The following LAMA3 variants were observed in gnomAD, a reference collection of about 807,000 sequenced individuals.
LAMA3 encodes the protein laminin subunit alpha 3, also known as laminin subunit alpha-3.
In LAMA3, 281 loss-of-function variants were observed where a neutral mutation model predicts 402.0. That is an observed-to-expected ratio of 0.70 (90% confidence interval 0.63 to 0.77). The LOEUF is 0.77. Among genes scored for constraint, LAMA3 ranks in the 30% least tolerant of loss-of-function variants. The pLI is 0.00. For missense variants in LAMA3, 3,840 were observed against 4,215.5 expected, an observed-to-expected ratio of 0.91 and a Z score of 2.47; for synonymous variants, 1,431 against 1,558.4, an observed-to-expected ratio of 0.92 and a Z score of 1.93.
intron 12 of LAMA3, among the ~76,000 whole-genome samples, chr18:23,809,971 A>G (rs973812430): frequency 1.3e-5 from 2 of 152,054 alleles, no homozygotes; most frequent in African/African-American, 4.8e-5. Context: ...TCCTCCTACA[A>G]ATACTGGTTT....
At chr18:23,747,726 G>C (rs781576930) in intron 2 of LAMA3, among the ~76,000 whole-genome samples, 4 of 152,136 alleles carry the variant, frequency 2.6e-5, no homozygotes, top group Non-Finnish European at 5.9e-5. Context: ...GTGTATATTT[G>C]GTGGAGAAAG....
Position 23,864,263 on chromosome 18 carries a change from G to T in LAMA3, c.4585-522G>T, listed in dbSNP as rs1318489867. 2.7e-4 allele frequency among the ~76,000 whole-genome samples: 38 copies of T among 139,094 alleles called. 1 individual carries two copies. Among genetic ancestry groups the T allele is most frequent in the Non-Finnish European group, 1.9e-4 (12 of 64,582 alleles). 91.3% of individuals were successfully genotyped at this position (139,094 alleles called of 152,430 possible). A position where few individuals can be genotyped will look rare whatever the true frequency, so the allele number is the denominator to read the frequency against. On this transcript the variant is annotated intron_variant, in intron 35 of 74. Transcript: ENST00000313654. ...TTTAAAAGAGACAGGGTCTTGCCCTGTTGCCCAAGCTGCACTGCAGTGGTA... is the reference window on the plus strand; with the variant it reads ...TTTAAAAGAGACAGGGTCTTGCCCTTTTGCCCAAGCTGCACTGCAGTGGTA...
chr18:23,884,864 C>A lies in LAMA3; in HGVS notation c.5303+11C>A, dbSNP rs200423646. 17 of 1,598,576 alleles carry A rather than the reference C, an allele frequency of 1.1e-5. No homozygotes were observed. In the East Asian group the frequency reaches 3.6e-4, roughly 34 times the overall value. ...AACACAGTGTGAAAGGTAAGGTGGGCGCCCCTCCCGCCTCAGCCTGCAGAG... is the reference window on the plus strand; with the variant it reads ...AACACAGTGTGAAAGGTAAGGTGGGAGCCCCTCCCGCCTCAGCCTGCAGAG... On this transcript the variant is annotated intron_variant, in intron 41 of 74. Transcript: ENST00000313654.
At chr18:23,759,054 TG>T (rs2061913975) in intron 7 of LAMA3, among the ~76,000 whole-genome samples, 1 of 152,012 alleles carries the variant, frequency 6.6e-6, no homozygotes, top group South Asian at 2.1e-4. Context: ...GTTTTTTTTT[TG>T]TTTTTGTTTT....
Position 23,826,778 on chromosome 18 carries a change from A to T in LAMA3, c.2648A>T (p.Tyr883Phe). ...CTGCCAGTCACAGAACCATGTGCCT[A>T]CGCAGGACCTCCCCAAGAAAAGTCA... ...LQLPVTEPCAYAGPPQENCLL... is the reference protein window; with the variant it reads ...LQLPVTEPCAFAGPPQENCLL... Residue 883 changes from tyrosine to phenylalanine, a missense_variant, in exon 22 of 75, where the codon TAC (tyrosine) becomes TTC (phenylalanine). By Grantham distance (22) the Tyr-to-Phe change is conservative (BLOSUM62 3). Coordinates refer to ENST00000313654, the MANE Select transcript of LAMA3 (RefSeq NM_198129.4). 6.4e-7 allele frequency: 1 copy of T among 1,563,798 alleles called. No individual in the cohort carries two copies. The highest frequency in any genetic ancestry group is 8.7e-7 in the Non-Finnish European group (1 of 1,152,348).
rs1296008299 is a variant in LAMA3, at chr18:23,904,056, T to A, written c.6442T>A (p.Ser2148Thr). The change falls in exon 50 of 75, where the codon TCC (serine) becomes ACC (threonine). Residue 2148 changes from serine to threonine, a missense_variant. Coordinates refer to ENST00000313654, the MANE Select transcript of LAMA3 (RefSeq NM_198129.4). The stretch of plus-strand genomic sequence containing the variant: ...GGAGGAGGCAGAAAAGCACGCGCGG[T>A]CCTTACAAGAGCTGGCAAAGCAGCT... ...LVEEAEKHAR[S>T]LQELAKQLEE... 1.2e-6 allele frequency: 2 copies of A among 1,613,404 alleles called. No homozygotes were observed. Among genetic ancestry groups the A allele is most frequent in the Admixed American group, 3.3e-5 (2 of 59,984 alleles).
chr18:23,858,562 CTT>C (rs1164316837), intron 33 of LAMA3, 125 bp from the exon 34 acceptor site: 3 of 863,354 alleles, frequency 3.5e-6, no homozygotes, highest in South Asian at 2.7e-5. Flanking sequence ...ATTAACATCT[CTT>C]TTAATGTTTT....
At chr18:23,730,364 C>CT (rs2061371642) in intron 2 of LAMA3, among the ~76,000 whole-genome samples, 1 of 134,434 alleles carries the variant, frequency 7.4e-6, no homozygotes, top group Non-Finnish European at 1.6e-5. Context: ...TTTTCTTTTT[C>CT]TTTCTTTTTT....
chr18:23,784,680 G>T (rs1025169805), intron 12 of LAMA3, among the ~76,000 whole-genome samples: 4 of 152,290 alleles, frequency 2.6e-5, no homozygotes, highest in Admixed American at 1.3e-4. Context: ...GTCGCTGAAG[G>T]GGGGATGGAA....
chr18:23,693,459 C>G (rs6507857), intron 1 of LAMA3, among the ~76,000 whole-genome samples: 15,347 of 151,388 alleles, frequency 0.1, 1,449 homozygotes, highest in African/African-American at 0.22. Context: ...TTGAATGACT[C>G]CTTTTAGCAT....
intron 2 of LAMA3, among the ~76,000 whole-genome samples, chr18:23,732,763 G>A (rs1049774692): frequency 1.3e-5 from 2 of 152,036 alleles, no homozygotes; most frequent in Non-Finnish European, 2.9e-5. Context: ...CATGCCATGT[G>A]TCTTCTCCAA....
At chr18:23,912,933 G>A (rs45601736) in intron 56 of LAMA3, 52 bp downstream of exon 56, 2 of 1,547,412 alleles carry the variant, frequency 1.3e-6, no homozygotes, top group Admixed American at 1.7e-5. Flanking sequence ...TTTTTCGAGA[G>A]GTGTGCTTTT....
Position 23,817,806 on chromosome 18 carries a change from A to C in LAMA3, c.2147+1319A>C, listed in dbSNP as rs559163633. ...AGATCTGTGAAGAGGGCATGTCTGT[A>C]GGTTTGTTTTCCTGAAGACCATTGA... is the stretch of plus-strand genomic sequence containing the variant. On this transcript the variant is annotated intron_variant, in intron 18 of 74. Coordinates refer to ENST00000313654, the MANE Select transcript of LAMA3 (RefSeq NM_198129.4). 9.9e-5 allele frequency among the ~76,000 whole-genome samples: 15 copies of C among 152,252 alleles called. 1 individual carries two copies. In the South Asian group the frequency reaches 3.1e-3, roughly 32 times the overall value.
intron 2 of LAMA3, among the ~76,000 whole-genome samples, chr18:23,732,015 G>A (rs1385725641): frequency 6.6e-6 from 1 of 152,208 alleles, no homozygotes; most frequent in Non-Finnish European, 1.5e-5. Context: ...AGGAGAAAGG[G>A]CAGCCCTGGC....
chr18:23,903,036 CAG>C lies in LAMA3; in HGVS notation c.6232_6233del (p.Ser2078Ter), dbSNP rs1158945258. On this transcript the variant is annotated frameshift_variant, in exon 49 of 75. Transcript: ENST00000313654. LOFTEE classifies it high-confidence loss of function. Reference protein sequence around the residue: ...QRQVKEINSLQSDFTKYLTTA... With the variant: ...QRQVKEINSLXSDFTKYLTTA... ...ACAAGTGAAAGAAATAAATTCCCTG[CAG>C]AGTGATTTCACCAAGTATCTAACCA... 2.5e-6 allele frequency: 4 copies of C among 1,609,954 alleles called. No individual in the cohort carries two copies. Among genetic ancestry groups the C allele is most frequent in the Non-Finnish European group, 3.4e-6 (4 of 1,176,572 alleles).
At position 23,902,988 on chromosome 18, in the gene LAMA3, ATT is replaced by A. The variant is rs745874853; in HGVS notation, c.6202-13_6202-12del. 3 of 1,422,466 alleles carry A rather than the reference ATT, an allele frequency of 2.1e-6. No homozygotes were observed. The highest frequency in any genetic ancestry group is 1.1e-5 in the South Asian group (1 of 87,002). The allele number at this position is 1,422,466 out of a possible 1,614,324, so 88.1% of individuals were successfully genotyped here. ...GATAATATATCATAGAGCTCAAGCA[ATT>A]TTTTTTTATTTTCTCCAGAGACAAG... On this transcript the variant is annotated intron_variant, in intron 48 of 74. Coordinates refer to ENST00000313654, the MANE Select transcript of LAMA3 (RefSeq NM_198129.4).
At position 23,694,231 on chromosome 18, in the gene LAMA3, G is replaced by A. The variant is rs373541107; in HGVS notation, c.294+4254G>A. 5.3e-5 allele frequency among the ~76,000 whole-genome samples: 8 copies of A among 152,266 alleles called. No individual in the cohort carries two copies. In the East Asian group the frequency reaches 7.7e-4, roughly 15 times the overall value. On this transcript the variant is annotated intron_variant, in intron 1 of 74. Coordinates refer to ENST00000313654, the MANE Select transcript of LAMA3 (RefSeq NM_198129.4). ...ATGAATATTAACTGGAGAATAATACGGGTTTAAAGTGATTATGCACATCTT... is the reference window on the plus strand; with the variant it reads ...ATGAATATTAACTGGAGAATAATACAGGTTTAAAGTGATTATGCACATCTT...
chr18:23,881,481 C>T (rs571328260), intron 39 of LAMA3, among the ~76,000 whole-genome samples: 3 of 152,196 alleles, frequency 2.0e-5, no homozygotes, highest in Non-Finnish European at 4.4e-5. Context: ...AAAGAATTTA[C>T]GTTTCCCAAG....
At chr18:23,873,247 G>A (rs1276390914) in intron 38 of LAMA3, 2 of 1,569,572 alleles carry the variant, frequency 1.3e-6, no homozygotes, top group African/African-American at 2.7e-5. Flanking sequence ...GTTTGTGATA[G>A]GGAAGAGTTT....
Sources: gnomAD v4.1 joint callset for allele counts (sites outside exome capture counted in the v4.1 genomes callset) on GRCh38, gnomAD v4.1.1 for gene constraint, MANE v1.5 for transcripts, NCBI Gene and HGNC (gene_info 2026-07-23, HGNC 2026-07-21) for gene names.